MATN2: variants seen among roughly 807,000 people sequenced by gnomAD.
The protein encoded by MATN2 is matrilin 2.
Under a neutral mutation model 103.2 loss-of-function variants are expected in MATN2, and 69 were observed. The ratio of observed to expected loss-of-function variants is 0.67; its 90% confidence interval spans 0.55 to 0.82. The LOEUF (loss-of-function observed/expected upper bound fraction) is 0.82, where lower values mean the gene tolerates loss of function less well. Among genes scored for constraint, MATN2 ranks in the 40% least tolerant of loss-of-function variants. The pLI, the probability that MATN2 is intolerant of heterozygous loss-of-function variation, is 0.00. For synonymous variants in MATN2, 429 were observed against 450.2 expected, an observed-to-expected ratio of 0.95 and a Z score of 0.60; for missense variants, 1,023 against 1,211.5, an observed-to-expected ratio of 0.84 and a Z score of 2.31.
intron 2 of MATN2, among the ~76,000 whole-genome samples, chr8:97,888,816 G>A (rs1259626206): frequency 6.6e-6 from 1 of 152,174 alleles, no homozygotes; most frequent in Admixed American, 6.5e-5. Context: ...GCATGTGGAG[G>A]TTATAGGAAG....
chr8:97,915,198 C>A (rs1160897468), intron 2 of MATN2, among the ~76,000 whole-genome samples: 1 of 152,062 alleles, frequency 6.6e-6, no homozygotes, highest in Non-Finnish European at 1.5e-5. Flanking sequence ...CACCATGTTG[C>A]CCAGGCTGGT....
chr8:97,974,587 C>T (rs1811771680), intron 5 of MATN2, among the ~76,000 whole-genome samples: 1 of 152,006 alleles, frequency 6.6e-6, no homozygotes, highest in African/African-American at 2.4e-5. Context: ...ACTGGGATTA[C>T]AGGCGCCTGC....
Position 97,917,052 on chromosome 8 carries a change from A to C in MATN2, c.143-13901A>C, listed in dbSNP as rs1044787579. Among the ~76,000 whole-genome samples, 4 of 152,140 alleles carry C rather than the reference A, an allele frequency of 2.6e-5. No individual in the cohort carries two copies. In the South Asian group the frequency reaches 8.3e-4, roughly 32 times the overall value. On this transcript the variant is annotated intron_variant, in intron 2 of 18. Transcript: ENST00000254898. ...AGTCAGCAGGGACAACTGAAATTTG[A>C]GCTGGTGTGAACCCATAATCCCTCA...
chr8:97,872,333 C>T (rs1817922252), intron 1 of MATN2, among the ~76,000 whole-genome samples: 1 of 152,216 alleles, frequency 6.6e-6, no homozygotes, highest in South Asian at 2.1e-4. Flanking sequence ...GAAAGTTATT[C>T]TAAAAGTACT....
chr8:98,012,809 C>T (rs1249061817), intron 10 of MATN2, among the ~76,000 whole-genome samples: 2 of 152,206 alleles, frequency 1.3e-5, no homozygotes, highest in Non-Finnish European at 2.9e-5. Context: ...GCCCCCAGGA[C>T]AGCTAAGACC....
At chr8:97,916,760 TC>T (rs1809645035) in intron 2 of MATN2, among the ~76,000 whole-genome samples, 1 of 152,180 alleles carries the variant, frequency 6.6e-6, no homozygotes, top group Admixed American at 6.5e-5. Context: ...GAAATTCAAT[TC>T]ATTGGAAACT....
intron 2 of MATN2, among the ~76,000 whole-genome samples, chr8:97,912,477 T>C (rs1809481818): frequency 6.6e-6 from 1 of 152,184 alleles, no homozygotes; most frequent in Non-Finnish European, 1.5e-5. Context: ...TTTCCTTTTG[T>C]GTAATATACT....
At chr8:97,940,598 C>T (rs2512024) in intron 3 of MATN2, among the ~76,000 whole-genome samples, 137,837 of 152,276 alleles carry the variant, frequency 0.91, 62,476 homozygotes, top group Non-Finnish European at 0.92. Context: ...TTTTCACAAG[C>T]GCTGGATTAA....
At chr8:97,976,343 C>T (rs2512044) in intron 5 of MATN2, among the ~76,000 whole-genome samples, 87,307 of 152,026 alleles carry the variant, frequency 0.57, 26,034 homozygotes, top group Middle Eastern at 0.7. Flanking sequence ...TCCTGACCTC[C>T]GGTGATCCAC....
rs373444732 is a variant in MATN2 at position 98,003,766 on chromosome 8, A to G, written c.1310A>G (p.Asn437Ser). 2.3e-5 allele frequency: 37 copies of G among 1,613,248 alleles called. No homozygotes were observed. Among genetic ancestry groups the G allele is most frequent in the South Asian group, 3.3e-5 (3 of 91,092 alleles). The part of the protein sequence containing the change: ...RCHRGYTLDP[N>S]GKTCSRVDHC... ...CACCGTGGCTACACTCTGGACCCCA[A>G]TGGCAAAACCTGCAGCCGTGAGTGT... Residue 437 changes from asparagine to serine, a missense_variant, in exon 8 of 19, where the codon AAT (asparagine) becomes AGT (serine). Asn to Ser is a conservative substitution (Grantham distance 46). Transcript: ENST00000254898.
At chr8:97,883,941 C>T (rs1424576608) in intron 1 of MATN2, among the ~76,000 whole-genome samples, 2 of 152,126 alleles carry the variant, frequency 1.3e-5, no homozygotes, top group African/African-American at 4.8e-5. Flanking sequence ...GCATGAGCCA[C>T]TGCACCCCAG....
intron 6 of MATN2, among the ~76,000 whole-genome samples, chr8:97,984,946 A>G (rs905902397): frequency 6.6e-6 from 1 of 152,226 alleles, no homozygotes; most frequent in African/African-American, 2.4e-5. Flanking sequence ...GAAGGAGGAA[A>G]CCTTTGAGGC....
At chr8:97,956,862 G>C (rs1437830033) in intron 4 of MATN2, among the ~76,000 whole-genome samples, 1 of 152,180 alleles carries the variant, frequency 6.6e-6, no homozygotes, top group Non-Finnish European at 1.5e-5. Context: ...TCTAATGGAG[G>C]AGGGTATTCT....
At chr8:97,917,413 T>C (rs1057185004) in intron 2 of MATN2, among the ~76,000 whole-genome samples, 62 of 152,250 alleles carry the variant, frequency 4.1e-4, no homozygotes, top group African/African-American at 1.4e-3. Context: ...CTTGTCAGAA[T>C]GAAGGTTGAC....
chr8:97,904,582 G>A (rs1002575010), intron 2 of MATN2, among the ~76,000 whole-genome samples: 4 of 152,120 alleles, frequency 2.6e-5, no homozygotes, highest in Admixed American at 6.6e-5. Flanking sequence ...ATAATATCTC[G>A]CATATGTGAA....
At chr8:98,030,398 A>G (rs765763401) in intron 14 of MATN2, 64 bp from the exon 15 acceptor site, 7 of 1,421,244 alleles carry the variant, frequency 4.9e-6, no homozygotes, top group Non-Finnish European at 5.8e-6. Context: ...TGCAGTACAC[A>G]CAACTTCCAG....
intron 4 of MATN2, 116 bp downstream of exon 4, chr8:97,942,015 C>A: frequency 7.7e-7 from 1 of 1,295,622 alleles, no homozygotes; most frequent in East Asian, 2.6e-5. Context: ...AGTTATCATC[C>A]CTTGGGGACA....
chr8:98,006,055 T>C (rs1039650468), intron 8 of MATN2, among the ~76,000 whole-genome samples: 1 of 152,218 alleles, frequency 6.6e-6, no homozygotes, highest in Non-Finnish European at 1.5e-5. Flanking sequence ...ATTTTCTCCA[T>C]AAGGGAAACC....
chr8:97,927,612 CT>C (rs1810029088), intron 2 of MATN2, among the ~76,000 whole-genome samples: 1 of 152,230 alleles, frequency 6.6e-6, no homozygotes, highest in East Asian at 1.9e-4. Flanking sequence ...AATTCAGTTA[CT>C]TGGGCTGCCA....
Sources: allele counts gnomAD v4.1 joint callset (sites outside exome capture counted in the v4.1 genomes callset), GRCh38; gene constraint gnomAD v4.1.1; transcripts MANE v1.5; gene names NCBI Gene and HGNC (gene_info 2026-07-23, HGNC 2026-07-21).